RALGAPA1: variants seen among roughly 807,000 people sequenced by gnomAD.
RALGAPA1 encodes the protein ral GTPase-activating protein subunit alpha-1.
Under a neutral mutation model 269.6 loss-of-function variants are expected in RALGAPA1, and 52 were observed. The observed-to-expected ratio is 0.19, with a 90% CI of 0.15 to 0.24. RALGAPA1 has a LOEUF of 0.24. Among genes scored for constraint, RALGAPA1 ranks in the 10% least tolerant of loss-of-function variants. The pLI, the probability that RALGAPA1 is intolerant of heterozygous loss-of-function variation, is 1.00. For missense variants in RALGAPA1, 1,917 were observed against 3,013.9 expected, an observed-to-expected ratio of 0.64 and a Z score of 8.52; for synonymous variants, 817 against 1,008.3, an observed-to-expected ratio of 0.81 and a Z score of 3.60.
chr14:35,570,616 C>A lies in RALGAPA1; in HGVS notation c.7496+1G>T. On this transcript the variant is annotated splice_donor_variant, in intron 39 of 41. Transcript: ENST00000680220. LOFTEE classifies it high-confidence loss of function. ...AAACCATTACATTAAAAAAAGGATACAAGTTTTGATACAATGGAATCAGAG... is the reference window on the plus strand; with the variant it reads ...AAACCATTACATTAAAAAAAGGATAAAAGTTTTGATACAATGGAATCAGAG... 6.3e-7 allele frequency: 1 copy of A among 1,596,080 alleles called. No homozygotes were observed. The highest frequency in any genetic ancestry group is 8.5e-7 in the Non-Finnish European group (1 of 1,174,614).
intron 35 of RALGAPA1, among the ~76,000 whole-genome samples, chr14:35,610,342 GTGTGATCTCT>G (rs2059851346): frequency 1.3e-5 from 2 of 151,262 alleles, no homozygotes; most frequent in Non-Finnish European, 2.9e-5. Flanking sequence ...GAGTGCAGTG[GTGTGATCTCT>G]GCTCACTGCA....
At chr14:35,770,224 A>C (rs1278185189) in intron 4 of RALGAPA1, among the ~76,000 whole-genome samples, 1 of 152,198 alleles carries the variant, frequency 6.6e-6, no homozygotes, top group African/African-American at 2.4e-5. Flanking sequence ...ACTACAATGC[A>C]CATTTATGAT....
intron 22 of RALGAPA1, chr14:35,677,626 A>C (rs1395436972): frequency 4.0e-6 from 1 of 250,724 alleles, no homozygotes; most frequent in African/African-American, 2.4e-5. Flanking sequence ...CTTTAGGTAT[A>C]AAACTAAGAA....
intron 6 of RALGAPA1, among the ~76,000 whole-genome samples, chr14:35,757,308 C>T (rs926975626): frequency 1.4e-4 from 21 of 151,622 alleles, no homozygotes; most frequent in Non-Finnish European, 2.4e-4. Flanking sequence ...TTTTAGTAGA[C>T]GGGGTTTCAC....
intron 7 of RALGAPA1, among the ~76,000 whole-genome samples, chr14:35,753,885 C>T (rs2072951297): frequency 6.6e-6 from 1 of 151,990 alleles, no homozygotes; most frequent in Non-Finnish European, 1.5e-5. Flanking sequence ...ATTTGGTAAC[C>T]CGCGTAATTA....
intron 22 of RALGAPA1, 70 bp downstream of exon 22, chr14:35,677,880 C>T (rs768138027): frequency 5.1e-6 from 7 of 1,377,088 alleles, no homozygotes; most frequent in Non-Finnish European, 3.1e-6. Flanking sequence ...ATGTAAGATG[C>T]CTTATTTATG....
At chr14:35,734,306 A>G (rs2070774585) in intron 12 of RALGAPA1, among the ~76,000 whole-genome samples, 1 of 152,188 alleles carries the variant, frequency 6.6e-6, no homozygotes, top group Non-Finnish European at 1.5e-5. Flanking sequence ...TTCAAACTAT[A>G]CTGTAAGGCC....
intron 36 of RALGAPA1, among the ~76,000 whole-genome samples, chr14:35,598,348 T>A (rs1448278152): frequency 6.6e-6 from 1 of 151,900 alleles, no homozygotes; most frequent in East Asian, 1.9e-4. Context: ...TTGATTGATG[T>A]TTGCACAATA....
intron 1 of RALGAPA1, among the ~76,000 whole-genome samples, chr14:35,794,339 T>G (rs1024143006): frequency 2.0e-5 from 3 of 152,026 alleles, no homozygotes; most frequent in Non-Finnish European, 4.4e-5. Context: ...TATATCTATA[T>G]ATATGCACAC....
At chr14:35,591,630 T>C (rs1385602416) in intron 37 of RALGAPA1, among the ~76,000 whole-genome samples, 2 of 152,148 alleles carry the variant, frequency 1.3e-5, no homozygotes, top group Admixed American at 6.5e-5. Flanking sequence ...ATAATTTCTG[T>C]TTTATTTTTT....
chr14:35,674,159 T>C (rs1429540344), intron 24 of RALGAPA1, 21 bp downstream of exon 24: 1 of 1,521,960 alleles, frequency 6.6e-7, no homozygotes, highest in Non-Finnish European at 9.0e-7. Flanking sequence ...TTTAAACTAA[T>C]ATTTTATATA....
intron 22 of RALGAPA1, chr14:35,677,623 T>C (rs1199904826): frequency 1.6e-5 from 4 of 249,586 alleles, no homozygotes; most frequent in Non-Finnish European, 3.0e-5. Flanking sequence ...GTTCTTTAGG[T>C]ATAAAACTAA....
chr14:35,550,092 G>A (rs1566654368), intron 39 of RALGAPA1, among the ~76,000 whole-genome samples: 1 of 152,202 alleles, frequency 6.6e-6, no homozygotes, highest in Non-Finnish European at 1.5e-5. Flanking sequence ...CAGCAGGCCT[G>A]ATTGTGCTGT....
At chr14:35,765,208 T>C (rs529197320) in intron 4 of RALGAPA1, among the ~76,000 whole-genome samples, 81 of 152,318 alleles carry the variant, frequency 5.3e-4, no homozygotes, top group Non-Finnish European at 1.0e-3. Context: ...CCTACATCAG[T>C]AACAGTGCCT....
intron 12 of RALGAPA1, among the ~76,000 whole-genome samples, chr14:35,737,919 C>G (rs557973886): frequency 6.6e-6 from 1 of 151,256 alleles, no homozygotes; most frequent in Admixed American, 6.6e-5. Flanking sequence ...GAAACCTTGT[C>G]TCCACTAAAA....
At chr14:35,612,538 CTTCTTT>C (rs1439037405) in intron 35 of RALGAPA1, among the ~76,000 whole-genome samples, 1 of 149,528 alleles carries the variant, frequency 6.7e-6, no homozygotes, top group East Asian at 2.1e-4. Context: ...TCTTCTTCTT[CTTCTTT>C]TTTTTTTTTT....
intron 37 of RALGAPA1, among the ~76,000 whole-genome samples, chr14:35,583,786 G>A (rs1332850748): frequency 6.6e-6 from 1 of 152,062 alleles, no homozygotes; most frequent in East Asian, 1.9e-4. Context: ...AGCAAGAAGA[G>A]AGTAGAGTGA....
At chr14:35,592,460 C>A (rs1458075863) in intron 37 of RALGAPA1, among the ~76,000 whole-genome samples, 2 of 152,178 alleles carry the variant, frequency 1.3e-5, no homozygotes, top group Non-Finnish European at 2.9e-5. Flanking sequence ...TTAAACTCTT[C>A]CAAAAAACAG....
chr14:35,703,681 C>T (rs2067556123), intron 16 of RALGAPA1, among the ~76,000 whole-genome samples: 1 of 151,728 alleles, frequency 6.6e-6, no homozygotes, highest in African/African-American at 2.4e-5. Context: ...CTAACCTAAA[C>T]ACTTAGTTAC....
Sources: gnomAD v4.1 joint callset for allele counts (sites outside exome capture counted in the v4.1 genomes callset) on GRCh38, gnomAD v4.1.1 for gene constraint, MANE v1.5 for transcripts, NCBI Gene and HGNC (gene_info 2026-07-23, HGNC 2026-07-21) for gene names.